Variants in GRIA4 observed in about 807,000 individuals in gnomAD.
GRIA4 encodes glutamate receptor 4.
Under a neutral mutation model 104.0 loss-of-function variants are expected in GRIA4, and 34 were observed. The observed-to-expected ratio is 0.33, with a 90% CI of 0.25 to 0.44. The LOEUF (loss-of-function observed/expected upper bound fraction) is 0.44. GRIA4 is among the 20% of genes least tolerant of loss of function. GRIA4 has a pLI of 1.00. For synonymous variants in GRIA4, 386 were observed against 381.9 expected (o/e 1.01, Z -0.13); for missense variants, 750 against 1,096.5 (o/e 0.68, Z 4.46).
intron 4 of GRIA4, among the ~76,000 whole-genome samples, chr11:105,852,274 G>A (rs1273632429): frequency 6.6e-6 from 1 of 152,096 alleles, no homozygotes; most frequent in Admixed American, 6.6e-5. Context: ...AGAGTTGTAG[G>A]GATGAATTTC....
chr11:105,960,799 C>T (rs1180595756), intron 14 of GRIA4, among the ~76,000 whole-genome samples: 1 of 152,182 alleles, frequency 6.6e-6, no homozygotes, highest in Non-Finnish European at 1.5e-5. Context: ...TTGCACAGTT[C>T]CATGGGAAAA....
rs1165940733 is a variant in GRIA4 at position 105,794,518 on chromosome 11, T to TAC, written c.487+41310_487+41311dup. Among the ~76,000 whole-genome samples the TAC allele has an allele frequency of 3.4e-3, 405 of 120,868 alleles. 2 individuals are homozygous for TAC. Among genetic ancestry groups the TAC allele is most frequent in the African/African-American group, 0.011 (353 of 31,632 alleles). 79.3% of individuals were successfully genotyped at this position (120,868 alleles called of 152,430 possible). ...ATATATATATATATATATATACATA[T>TAC]ACACACACACACATATCTGTCTCTC... is the stretch of plus-strand genomic sequence containing the variant. On this transcript the variant is annotated intron_variant, in intron 4 of 16. Coordinates refer to ENST00000282499, the MANE Select transcript of GRIA4 (RefSeq NM_000829.4).
chr11:105,866,533 ATATG>A (rs1216844216), intron 5 of GRIA4, among the ~76,000 whole-genome samples: 2 of 57,660 alleles, frequency 3.5e-5, no homozygotes, highest in African/African-American at 1.1e-4. Flanking sequence ...ATATATACGC[ATATG>A]TGTGTGTGTG....
At chr11:105,775,928 G>C (rs1349133468) in intron 4 of GRIA4, among the ~76,000 whole-genome samples, 4 of 151,666 alleles carry the variant, frequency 2.6e-5, no homozygotes, top group Admixed American at 1.3e-4. Context: ...CCATTTGTTA[G>C]AATTTTGTTG....
At chr11:105,894,239 C>G (rs1016929845) in intron 6 of GRIA4, among the ~76,000 whole-genome samples, 2 of 151,962 alleles carry the variant, frequency 1.3e-5, no homozygotes, top group Non-Finnish European at 2.9e-5. Flanking sequence ...TTTAAAATAC[C>G]TCTGTGTAAG....
chr11:105,635,074 G>T (rs1169366015), intron 3 of GRIA4, among the ~76,000 whole-genome samples: 1 of 152,080 alleles, frequency 6.6e-6, no homozygotes, highest in South Asian at 2.1e-4. Flanking sequence ...AGTGTTTCTG[G>T]TAAGTGTATT....
rs116318416 is a variant in GRIA4, at chr11:105,934,738, T to C, written c.2294+769T>C. 3.8e-3 allele frequency among the ~76,000 whole-genome samples: 580 copies of C among 152,294 alleles called. 5 individuals are homozygous for C. The highest frequency in any genetic ancestry group is 0.013 in the African/African-American group (544 of 41,560). On this transcript the variant is annotated intron_variant, in intron 14 of 16. Transcript: ENST00000282499. The stretch of plus-strand genomic sequence containing the variant: ...TTGGTTAAATCTGCCCTTTTCATCC[T>C]TTTGGTCCTGGACATAGAAAATTCA...
At chr11:105,924,328 G>A in intron 11 of GRIA4, 71 bp from the exon 12 acceptor site, 1 of 1,161,928 alleles carries the variant, frequency 8.6e-7, no homozygotes, top group Non-Finnish European at 1.2e-6. Flanking sequence ...GCTTTAAATG[G>A]ATCATTCCAG....
chr11:105,620,654 G>T (rs1050786271), intron 3 of GRIA4, among the ~76,000 whole-genome samples: 11 of 151,726 alleles, frequency 7.2e-5, no homozygotes, highest in African/African-American at 2.7e-4. Context: ...AAAAATTTCA[G>T]AATCCAAAAC....
intron 3 of GRIA4, among the ~76,000 whole-genome samples, chr11:105,619,080 A>C (rs1313775145): frequency 1.3e-5 from 2 of 151,770 alleles, no homozygotes; most frequent in African/African-American, 4.8e-5. Context: ...TGACCAGAAA[A>C]AAAAAAAGCA....
At chr11:105,971,060 T>G (rs1269261686) in intron 14 of GRIA4, among the ~76,000 whole-genome samples, 1 of 152,188 alleles carries the variant, frequency 6.6e-6, no homozygotes, top group African/African-American at 2.4e-5. Flanking sequence ...AGTTTGTCTA[T>G]TCAGAAAAAT....
chr11:105,760,428 C>T (rs910264532), intron 4 of GRIA4, among the ~76,000 whole-genome samples: 20 of 152,142 alleles, frequency 1.3e-4, no homozygotes, highest in Non-Finnish European at 5.9e-5. Flanking sequence ...CTTCTATGCA[C>T]TTGCCACTGT....
intron 14 of GRIA4, among the ~76,000 whole-genome samples, chr11:105,960,522 A>G (rs1948712772): frequency 6.6e-6 from 1 of 152,202 alleles, no homozygotes; most frequent in Non-Finnish European, 1.5e-5. Flanking sequence ...CTGGAGCTAT[A>G]GAAATGGGTG....
intron 16 of GRIA4, among the ~76,000 whole-genome samples, chr11:105,977,893 A>G (rs899374865): frequency 6.6e-6 from 1 of 152,052 alleles, no homozygotes; most frequent in Non-Finnish European, 1.5e-5. Context: ...AAATTATTCT[A>G]TATGGGTGAG....
intron 10 of GRIA4, chr11:105,912,872 C>T: frequency 1.0e-6 from 1 of 981,248 alleles, no homozygotes; most frequent in Non-Finnish European, 1.2e-6. Flanking sequence ...TGTAATTATC[C>T]CCAGATTCAG....
chr11:105,646,842 G>C (rs1951544622), intron 3 of GRIA4, among the ~76,000 whole-genome samples: 1 of 152,092 alleles, frequency 6.6e-6, no homozygotes, highest in Admixed American at 6.6e-5. Flanking sequence ...AAAAACCCTG[G>C]AAGACAACCT....
intron 14 of GRIA4, among the ~76,000 whole-genome samples, chr11:105,956,256 C>T (rs901806919): frequency 3.3e-5 from 5 of 152,012 alleles, no homozygotes; most frequent in South Asian, 2.1e-4. Context: ...TATCCCTCCC[C>T]GCTCCCCCCA....
chr11:105,689,779 T>C (rs1953020177), intron 3 of GRIA4, among the ~76,000 whole-genome samples: 1 of 152,212 alleles, frequency 6.6e-6, no homozygotes, highest in African/African-American at 2.4e-5. Flanking sequence ...CCGCAAGGCA[T>C]GTAATACAAT....
At chr11:105,611,495 G>A (rs1950479675) in intron 2 of GRIA4, among the ~76,000 whole-genome samples, 1 of 152,112 alleles carries the variant, frequency 6.6e-6, no homozygotes, top group African/African-American at 2.4e-5. Context: ...GGACGCCGCA[G>A]CTTTCTTGCT....
Sources: gnomAD v4.1 joint callset for allele counts (sites outside exome capture counted in the v4.1 genomes callset) on GRCh38, gnomAD v4.1.1 for gene constraint, MANE v1.5 for transcripts, NCBI Gene and HGNC (gene_info 2026-07-23, HGNC 2026-07-21) for gene names.